LPAR3: variants seen among roughly 807,000 people sequenced by gnomAD.
The protein encoded by LPAR3 is LPA receptor 3.
A neutral mutation model predicts 17.8 loss-of-function variants in LPAR3; 7 were observed. The observed-to-expected ratio is 0.39, with a 90% CI of 0.22 to 0.74. The LOEUF (loss-of-function observed/expected upper bound fraction) is 0.74. LPAR3 is among the 30% of genes least tolerant of loss of function. LPAR3 has a pLI of 0.40. For missense variants in LPAR3, 391 were observed against 453.4 expected, an observed-to-expected ratio of 0.86 and a Z score of 1.25; for synonymous variants, 179 against 179.9, an observed-to-expected ratio of 0.99 and a Z score of 0.04.
chr1:84,828,330 G>A (rs1317682027), intron 2 of LPAR3, among the ~76,000 whole-genome samples: 1 of 152,156 alleles, frequency 6.6e-6, no homozygotes, highest in African/African-American at 2.4e-5. Context: ...TAAATTGGCA[G>A]CAGTCTGATT....
At chr1:84,889,475 A>G (rs1429131203) in intron 1 of LPAR3, among the ~76,000 whole-genome samples, 1 of 152,176 alleles carries the variant, frequency 6.6e-6, no homozygotes, top group Non-Finnish European at 1.5e-5. Flanking sequence ...TTTGTCCACT[A>G]AGAACTGAGA....
intron 1 of LPAR3, among the ~76,000 whole-genome samples, chr1:84,878,485 A>G (rs1660297838): frequency 6.6e-6 from 1 of 152,086 alleles, no homozygotes. Context: ...GATGACCCCA[A>G]ATAATTACCA....
At chr1:84,849,546 G>A (rs1370227148) in intron 2 of LPAR3, among the ~76,000 whole-genome samples, 2 of 152,016 alleles carry the variant, frequency 1.3e-5, no homozygotes, top group South Asian at 2.1e-4. Flanking sequence ...CAGATAGAGA[G>A]CAGGAACACT....
intron 2 of LPAR3, among the ~76,000 whole-genome samples, chr1:84,840,351 T>C (rs1659483190): frequency 6.6e-6 from 1 of 152,248 alleles, no homozygotes; most frequent in Non-Finnish European, 1.5e-5. Flanking sequence ...AATTGTCAAA[T>C]ATGTGCTGGT....
intron 1 of LPAR3, among the ~76,000 whole-genome samples, chr1:84,882,566 A>G (rs1660384601): frequency 6.6e-6 from 1 of 152,234 alleles, no homozygotes; most frequent in African/African-American, 2.4e-5. Context: ...TGGAGGCCTC[A>G]CATTTCCTGA....
At position 84,865,582 on chromosome 1, in the gene LPAR3, G is replaced by A; in HGVS notation, c.539C>T (p.Ala180Val). ...LCNISACSSLAPIYSRSYLVF... is the reference protein window; with the variant it reads ...LCNISACSSLVPIYSRSYLVF... ...AAGGTAACTCCTGCTGTAAATGGGG[G>A]CCAGGGAAGAGCAGGCAGAGATGTT... The change falls in exon 2 of 3, where the codon GCC (alanine) becomes GTC (valine). Residue 180 changes from alanine (A) to valine (V), a missense_variant. By Grantham distance (64) the Ala-to-Val change is moderately conservative. Transcript: ENST00000370611. 6.2e-7 allele frequency: 1 copy of A among 1,614,204 alleles called. No homozygotes were observed. The highest frequency in any genetic ancestry group is 8.5e-7 in the Non-Finnish European group (1 of 1,180,038).
chr1:84,881,173 G>A (rs1570906662), intron 1 of LPAR3, among the ~76,000 whole-genome samples: 1 of 152,224 alleles, frequency 6.6e-6, no homozygotes, highest in African/African-American at 2.4e-5. Flanking sequence ...GGGGTCACCT[G>A]CACGCTGAAG....
chr1:84,880,125 T>C (rs529250816), intron 1 of LPAR3, among the ~76,000 whole-genome samples: 1 of 151,856 alleles, frequency 6.6e-6, no homozygotes, highest in Non-Finnish European at 1.5e-5. Context: ...AGGTCGGGAG[T>C]TCGAGACCAG....
intron 2 of LPAR3, among the ~76,000 whole-genome samples, chr1:84,845,260 C>T (rs1659574748): frequency 6.6e-6 from 1 of 152,198 alleles, no homozygotes; most frequent in Non-Finnish European, 1.5e-5. Flanking sequence ...CCATTATATA[C>T]ATTGTTTAAG....
At chr1:84,867,970 G>T (rs1461255803) in intron 1 of LPAR3, among the ~76,000 whole-genome samples, 1 of 152,088 alleles carries the variant, frequency 6.6e-6, no homozygotes, top group Non-Finnish European at 1.5e-5. Flanking sequence ...TATAAGCAAG[G>T]CTGCATTCTT....
chr1:84,884,299 G>A (rs1198167883), intron 1 of LPAR3, among the ~76,000 whole-genome samples: 11 of 152,170 alleles, frequency 7.2e-5, no homozygotes, highest in South Asian at 4.1e-4. Context: ...GTGTACTCTC[G>A]TGGCAAGACT....
At position 84,865,692 on chromosome 1, in the gene LPAR3, C is replaced by A; in HGVS notation, c.429G>T (p.Lys143Asn). ...CAAGCAAAATGAGCAGTGTCACCCT[C>A]TTTTTGGTCAGGTTGCTATGGACCC... ...RMRVHSNLTK[K>N]RVTLLILLVW... is the part of the protein sequence containing the mutation. The change falls in exon 2 of 3, where the codon AAG becomes AAT. Residue 143 changes from lysine (K) to asparagine (N), a missense_variant. By Grantham distance (94) the Lys-to-Asn change is moderately conservative. Transcript: ENST00000370611. 6.2e-7 allele frequency: 1 copy of A among 1,614,192 alleles called. No homozygotes were observed.
intron 1 of LPAR3, among the ~76,000 whole-genome samples, chr1:84,875,762 G>A (rs1176462099): frequency 6.6e-6 from 1 of 152,164 alleles, no homozygotes; most frequent in African/African-American, 2.4e-5. Context: ...TTGGTTTAAA[G>A]TATCTGTCCT....
chr1:84,858,904 G>A (rs1439392173), intron 2 of LPAR3, among the ~76,000 whole-genome samples: 2 of 152,188 alleles, frequency 1.3e-5, no homozygotes. Context: ...GTAGGGCAAA[G>A]GAAGATTCAA....
intron 1 of LPAR3, among the ~76,000 whole-genome samples, chr1:84,871,169 C>T (rs1660152904): frequency 6.6e-6 from 1 of 151,974 alleles, no homozygotes; most frequent in African/African-American, 2.4e-5. Flanking sequence ...TCTGATAGTT[C>T]TAACCTAGAA....
intron 1 of LPAR3, among the ~76,000 whole-genome samples, chr1:84,876,590 C>G (rs1259039362): frequency 6.6e-6 from 1 of 152,294 alleles, no homozygotes; most frequent in Non-Finnish European, 1.5e-5. Context: ...CTCGGGGACA[C>G]TGTACCATCT....
rs533677162 is a variant in LPAR3 at position 84,889,674 on chromosome 1, G to A, written c.-19+3342C>T. Among the ~76,000 whole-genome samples the A allele has an allele frequency of 3.3e-5, 5 of 152,314 alleles. No homozygotes were observed. In the South Asian group the frequency reaches 8.3e-4, roughly 25 times the overall value. ...GAAGTCCAGTATGATGTCAGAGGAC[G>A]GGAGAGAGGAATATGGAAGAACTGC... On this transcript the variant is annotated intron_variant, in intron 1 of 2. Coordinates refer to ENST00000370611, the MANE Select transcript of LPAR3 (RefSeq NM_012152.3).
At chr1:84,844,307 T>C (rs1399237273) in intron 2 of LPAR3, among the ~76,000 whole-genome samples, 1 of 152,260 alleles carries the variant, frequency 6.6e-6, no homozygotes, top group African/African-American at 2.4e-5. Context: ...GTTCTGGTCT[T>C]TTCAAATGTC....
chr1:84,877,326 G>A (rs1660277852), intron 1 of LPAR3, among the ~76,000 whole-genome samples: 1 of 152,188 alleles, frequency 6.6e-6, no homozygotes, highest in African/African-American at 2.4e-5. Context: ...TGACTGGCCA[G>A]CCATGGGGGA....
Sources: allele counts gnomAD v4.1 joint callset (sites outside exome capture counted in the v4.1 genomes callset), GRCh38; gene constraint gnomAD v4.1.1; transcripts MANE v1.5; gene names NCBI Gene and HGNC (gene_info 2026-07-23, HGNC 2026-07-21).